The following NELL1 variants were observed in gnomAD, a reference collection of about 807,000 sequenced individuals.
NELL1 encodes neural EGFL like 1.
A neutral mutation model predicts 107.4 loss-of-function variants in NELL1; 76 were observed. The observed-to-expected ratio is 0.71, with a 90% CI of 0.59 to 0.86. The LOEUF is 0.86. NELL1 is among the 40% of genes least tolerant of loss of function. NELL1 has a pLI of 0.00. For synonymous variants in NELL1, 353 were observed against 341.2 expected (o/e 1.03, Z -0.38); for missense variants, 1,024 against 1,005.5 (o/e 1.02, Z -0.25).
chr11:20,863,250 G>A lies in NELL1; in HGVS notation c.506+15497G>A, dbSNP rs185361090. Among the ~76,000 whole-genome samples the A allele has an allele frequency of 5.5e-3, 813 of 147,968 alleles. 8 individuals are homozygous for A. Among genetic ancestry groups the A allele is most frequent in the African/African-American group, 0.019 (743 of 39,548 alleles). ...GGCGCCCCCCACCTCCCTCCCGGAT[G>A]GGGCGGCTGGCTGGGCGGGGGCTGA... On this transcript the variant is annotated intron_variant, in intron 4 of 19. Transcript: ENST00000357134.
intron 11 of NELL1, among the ~76,000 whole-genome samples, chr11:20,953,740 T>C (rs1341198611): frequency 6.6e-6 from 1 of 152,174 alleles, no homozygotes; most frequent in Non-Finnish European, 1.5e-5. Context: ...TTGGAACTCT[T>C]ATTCTTTGTC....
At chr11:20,842,967 GTTATTA>G (rs1477572807) in intron 3 of NELL1, among the ~76,000 whole-genome samples, 3 of 152,086 alleles carry the variant, frequency 2.0e-5, no homozygotes, top group African/African-American at 7.2e-5. Flanking sequence ...TGTTATCATA[GTTATTA>G]TTATTGCCCA....
At chr11:21,497,246 T>G (rs1242266786) in intron 15 of NELL1, among the ~76,000 whole-genome samples, 1 of 151,924 alleles carries the variant, frequency 6.6e-6, no homozygotes, top group Non-Finnish European at 1.5e-5. Flanking sequence ...ACATGGCACA[T>G]GTATACATAT....
chr11:21,110,068 C>T (rs1275999245), intron 12 of NELL1, among the ~76,000 whole-genome samples: 1 of 152,084 alleles, frequency 6.6e-6, no homozygotes, highest in Non-Finnish European at 1.5e-5. Flanking sequence ...TCTCTTCTCC[C>T]CACCATTTTT....
At chr11:20,873,603 G>C (rs867440206) in intron 4 of NELL1, among the ~76,000 whole-genome samples, 36 of 152,226 alleles carry the variant, frequency 2.4e-4, no homozygotes, top group Middle Eastern at 6.8e-3. Flanking sequence ...TGTTATTAAA[G>C]GTTTACGGAT....
intron 12 of NELL1, among the ~76,000 whole-genome samples, chr11:21,025,042 G>A (rs1042272155): frequency 1.3e-5 from 2 of 152,038 alleles, no homozygotes; most frequent in African/African-American, 4.8e-5. Context: ...AAATGTCACT[G>A]TCCTCAAAGA....
At chr11:21,238,420 A>C (rs1858265110) in intron 14 of NELL1, among the ~76,000 whole-genome samples, 3 of 152,166 alleles carry the variant, frequency 2.0e-5, no homozygotes, top group East Asian at 3.9e-4. Flanking sequence ...CTATTTTCTC[A>C]ATAAAATATT....
chr11:20,810,379 C>T lies in NELL1; in HGVS notation c.335+26549C>T, dbSNP rs922022304. Among the ~76,000 whole-genome samples, 8 of 152,262 alleles carry T rather than the reference C, an allele frequency of 5.3e-5. No homozygotes were observed. The South Asian group carries it at 8.3e-4, about 16-fold the overall frequency. On this transcript the variant is annotated intron_variant, in intron 3 of 19. Coordinates refer to ENST00000357134, the MANE Select transcript of NELL1 (RefSeq NM_006157.5). ...CTTTTATCCCTCACCCCCTCTCACTCGTCTCCCCAAGTCCGCAAAGTCCAT... is the reference window on the plus strand; with the variant it reads ...CTTTTATCCCTCACCCCCTCTCACTTGTCTCCCCAAGTCCGCAAAGTCCAT...
intron 2 of NELL1, among the ~76,000 whole-genome samples, chr11:20,697,593 T>C (rs1854657519): frequency 6.6e-6 from 1 of 152,140 alleles, no homozygotes; most frequent in Non-Finnish European, 1.5e-5. Flanking sequence ...TTGAGCTACA[T>C]GTTGTGGAAG....
chr11:21,425,814 T>C (rs1852806932), intron 15 of NELL1, among the ~76,000 whole-genome samples: 1 of 152,230 alleles, frequency 6.6e-6, no homozygotes, highest in Non-Finnish European at 1.5e-5. Flanking sequence ...TGTGATAATG[T>C]TGGGACATAC....
chr11:20,906,870 A>G (rs1850011063), intron 5 of NELL1, among the ~76,000 whole-genome samples: 1 of 152,084 alleles, frequency 6.6e-6, no homozygotes, highest in African/African-American at 2.4e-5. Flanking sequence ...ATTAATGAAA[A>G]ACTCAGAGCT....
chr11:21,167,278 C>T (rs1339728388), intron 13 of NELL1, among the ~76,000 whole-genome samples: 4 of 151,812 alleles, frequency 2.6e-5, no homozygotes, highest in African/African-American at 4.9e-5. Context: ...TCCTAAGAGA[C>T]AAGAGAGACT....
At chr11:21,060,918 G>C (rs1565038867) in intron 12 of NELL1, among the ~76,000 whole-genome samples, 1 of 152,132 alleles carries the variant, frequency 6.6e-6, no homozygotes, top group Non-Finnish European at 1.5e-5. Flanking sequence ...ATATTTTTTA[G>C]TAGAGATGGG....
At chr11:21,219,919 A>T (rs910498170) in intron 13 of NELL1, among the ~76,000 whole-genome samples, 1 of 152,176 alleles carries the variant, frequency 6.6e-6, no homozygotes, top group African/African-American at 2.4e-5. Flanking sequence ...TAGGAAACTT[A>T]TGGTCATAGT....
intron 5 of NELL1, among the ~76,000 whole-genome samples, chr11:20,904,360 A>G (rs116997136): frequency 0.03 from 4,620 of 152,270 alleles, 117 homozygotes; most frequent in Non-Finnish European, 0.047. Context: ...TATGATCATT[A>G]TATATTGTAT....
At chr11:20,875,359 G>A (rs929077004) in intron 4 of NELL1, among the ~76,000 whole-genome samples, 3 of 152,080 alleles carry the variant, frequency 2.0e-5, no homozygotes, top group East Asian at 3.9e-4. Context: ...TGCTAAATCT[G>A]TCATGATTGA....
At chr11:21,043,407 G>A (rs555855204) in intron 12 of NELL1, among the ~76,000 whole-genome samples, 1 of 152,156 alleles carries the variant, frequency 6.6e-6, no homozygotes, top group Non-Finnish European at 1.5e-5. Flanking sequence ...AGAACATGGT[G>A]TGTTCTAGGG....
At chr11:21,034,444 C>A (rs1479367313) in intron 12 of NELL1, among the ~76,000 whole-genome samples, 2 of 152,156 alleles carry the variant, frequency 1.3e-5, no homozygotes. Flanking sequence ...ACAGAATATA[C>A]ATTCTTCTCA....
rs550072076 is a variant in NELL1, at chr11:20,853,866, A to G, written c.506+6113A>G. Reference sequence around the variant, plus strand: ...ACAGTATTGCATGCTTTTTACACCAATAGAATCACTTTAAAAATTTGTAAC... The same window carrying G: ...ACAGTATTGCATGCTTTTTACACCAGTAGAATCACTTTAAAAATTTGTAAC... On this transcript the variant is annotated intron_variant, in intron 4 of 19. Coordinates refer to ENST00000357134, the MANE Select transcript of NELL1 (RefSeq NM_006157.5). 4.3e-4 allele frequency among the ~76,000 whole-genome samples: 66 copies of G among 152,236 alleles called. 1 individual carries two copies. Among genetic ancestry groups the G allele is most frequent in the African/African-American group, 1.3e-3 (54 of 41,542 alleles).
Sources: gnomAD v4.1 joint callset for allele counts (sites outside exome capture counted in the v4.1 genomes callset) on GRCh38, gnomAD v4.1.1 for gene constraint, MANE v1.5 for transcripts, NCBI Gene and HGNC (gene_info 2026-07-23, HGNC 2026-07-21) for gene names.